Variants in BMERB1 observed in about 807,000 individuals in gnomAD.
The protein encoded by BMERB1 is bMERB domain-containing protein 1.
In BMERB1, 12 loss-of-function variants were observed where a neutral mutation model predicts 23.6. The observed-to-expected ratio is 0.51, with a 90% CI of 0.33 to 0.82. BMERB1 has a LOEUF of 0.82. BMERB1 is among the 40% of genes least tolerant of loss of function. The pLI is 0.03. For synonymous variants in BMERB1, 122 were observed against 96.6 expected (o/e 1.26, Z -1.54); for missense variants, 247 against 255.4 (o/e 0.97, Z 0.22).
chr16:15,562,970 T>G (rs1344303888), intron 2 of BMERB1, among the ~76,000 whole-genome samples: 1 of 152,200 alleles, frequency 6.6e-6, no homozygotes, highest in Non-Finnish European at 1.5e-5. Context: ...ATGCTGGCAT[T>G]AGAATGGACA....
intron 1 of BMERB1, among the ~76,000 whole-genome samples, chr16:15,495,109 C>G (rs1223709767): frequency 6.6e-6 from 1 of 151,884 alleles, no homozygotes; most frequent in Non-Finnish European, 1.5e-5. Flanking sequence ...GTCTCGAACT[C>G]CTGACCTCAA....
At chr16:15,531,108 T>C (rs771437466) in intron 2 of BMERB1, among the ~76,000 whole-genome samples, 4 of 152,036 alleles carry the variant, frequency 2.6e-5, no homozygotes, top group Admixed American at 6.6e-5. Context: ...GGGGTTTCAC[T>C]GTGTTGGCCA....
At chr16:15,464,765 G>A (rs2051167351) in intron 1 of BMERB1, among the ~76,000 whole-genome samples, 1 of 152,160 alleles carries the variant, frequency 6.6e-6, no homozygotes, top group Admixed American at 6.5e-5. Flanking sequence ...AGGATGACCA[G>A]TGGTCACTTC....
chr16:15,452,301 G>A, intron 1 of BMERB1, among the ~76,000 whole-genome samples: 3 of 120,094 alleles, frequency 2.5e-5, no homozygotes, highest in Non-Finnish European at 1.8e-5. Flanking sequence ...AAAAAGAAAA[G>A]AAGGAAGGAA....
At chr16:15,507,956 G>A (rs1246429775) in intron 1 of BMERB1, among the ~76,000 whole-genome samples, 8 of 152,150 alleles carry the variant, frequency 5.3e-5, no homozygotes, top group African/African-American at 1.9e-4. Flanking sequence ...CTCCCTCTGT[G>A]TCTAAAGCAA....
intron 2 of BMERB1, among the ~76,000 whole-genome samples, chr16:15,539,657 C>A (rs139844574): frequency 6.6e-6 from 1 of 152,050 alleles, no homozygotes; most frequent in East Asian, 1.9e-4. Context: ...GCCTAGCCAA[C>A]ATGGTGGAAA....
intron 1 of BMERB1, among the ~76,000 whole-genome samples, chr16:15,451,523 A>G (rs914730807): frequency 7.6e-6 from 1 of 130,758 alleles, no homozygotes; most frequent in Non-Finnish European, 1.6e-5. Flanking sequence ...CTATGTGTGT[A>G]TGTACATACT....
chr16:15,521,509 C>G (rs774656750), intron 2 of BMERB1, among the ~76,000 whole-genome samples: 1 of 152,150 alleles, frequency 6.6e-6, no homozygotes, highest in Non-Finnish European at 1.5e-5. Context: ...CAGGAACCAC[C>G]CCAACCCAGG....
At chr16:15,488,915 A>G (rs1453814773) in intron 1 of BMERB1, among the ~76,000 whole-genome samples, 1 of 151,570 alleles carries the variant, frequency 6.6e-6, no homozygotes, top group Non-Finnish European at 1.5e-5. Flanking sequence ...AAAAAAAAAA[A>G]AAAAAAAAGG....
intron 2 of BMERB1, among the ~76,000 whole-genome samples, chr16:15,537,739 C>G (rs1189963037): frequency 6.6e-6 from 1 of 151,626 alleles, no homozygotes. Context: ...CTTACTGCAG[C>G]CTTGAACTCC....
At chr16:15,548,778 A>G (rs1363829215) in intron 2 of BMERB1, among the ~76,000 whole-genome samples, 2 of 152,182 alleles carry the variant, frequency 1.3e-5, no homozygotes, top group African/African-American at 4.8e-5. Context: ...TTAAACATTA[A>G]TTTACTTATT....
chr16:15,551,905 C>T (rs968280214), intron 2 of BMERB1, among the ~76,000 whole-genome samples: 3 of 152,106 alleles, frequency 2.0e-5, no homozygotes, highest in South Asian at 2.1e-4. Context: ...TGCACTCAAG[C>T]GATCCTCCTG....
At chr16:15,468,589 C>T (rs1488358308) in intron 1 of BMERB1, among the ~76,000 whole-genome samples, 1 of 152,152 alleles carries the variant, frequency 6.6e-6, no homozygotes, top group East Asian at 1.9e-4. Context: ...ATGCCCTTGG[C>T]TGAGAGGAGG....
intron 1 of BMERB1, among the ~76,000 whole-genome samples, chr16:15,499,869 G>T (rs2051510939): frequency 6.6e-6 from 1 of 152,154 alleles, no homozygotes; most frequent in Admixed American, 6.6e-5. Context: ...TCCAGCTCCA[G>T]ATAAGGAGTC....
intron 1 of BMERB1, among the ~76,000 whole-genome samples, chr16:15,482,887 C>A (rs1423193869): frequency 6.6e-6 from 1 of 151,888 alleles, no homozygotes; most frequent in East Asian, 1.9e-4. Context: ...TGTTTCTGAC[C>A]ATTCAGTGGG....
intron 1 of BMERB1, among the ~76,000 whole-genome samples, chr16:15,501,910 C>G (rs1424381539): frequency 6.6e-6 from 1 of 152,230 alleles, no homozygotes; most frequent in Non-Finnish European, 1.5e-5. Context: ...GCATGTGCCT[C>G]CACACCCAGC....
At chr16:15,586,602 G>C (rs1459520697) in intron 5 of BMERB1, 115 bp from the exon 6 acceptor site, 17 of 813,384 alleles carry the variant, frequency 2.1e-5, no homozygotes. Flanking sequence ...CCTGGAACAA[G>C]ACCTGGCCAG....
intron 1 of BMERB1, among the ~76,000 whole-genome samples, chr16:15,452,766 C>T (rs2051053144): frequency 6.6e-6 from 1 of 152,142 alleles, no homozygotes. Context: ...AAGCCAAACA[C>T]AGCGAGAACT....
At chr16:15,476,479 T>C (rs1280543966) in intron 1 of BMERB1, among the ~76,000 whole-genome samples, 2 of 152,192 alleles carry the variant, frequency 1.3e-5, no homozygotes, top group Non-Finnish European at 2.9e-5. Flanking sequence ...TCATTCACTT[T>C]TATTGCTGCC....
Sources: allele counts gnomAD v4.1 joint callset (sites outside exome capture counted in the v4.1 genomes callset), GRCh38; gene constraint gnomAD v4.1.1; transcripts MANE v1.5; gene names NCBI Gene and HGNC (gene_info 2026-07-23, HGNC 2026-07-21).